ABCC9: variants seen among roughly 807,000 people sequenced by gnomAD.
ABCC9 encodes the protein ATP binding cassette subfamily C member 9.
ABCC9 carries 95 observed loss-of-function variants against 188.3 expected under a neutral mutation model. The ratio of observed to expected loss-of-function variants is 0.50; its 90% CI spans 0.43 to 0.60. ABCC9 has a LOEUF of 0.60. Among genes scored for constraint, ABCC9 ranks in the 20% least tolerant of loss-of-function variants. The pLI, the probability that ABCC9 is intolerant of heterozygous loss-of-function variation, is 0.00. For missense variants in ABCC9, 1,102 were observed against 1,876.3 expected (o/e 0.59, Z 7.62); for synonymous variants, 659 against 652.7 (o/e 1.01, Z -0.15).
rs2137372449 is a variant in ABCC9, at chr12:21,842,555, GATAGTTAC to G, written c.3316-92_3316-85del. The G allele has an allele frequency of 2.9e-6, 4 of 1,398,198 alleles. No individual in the cohort carries two copies. In the East Asian group the frequency reaches 9.2e-5, roughly 32 times the overall value. The allele number at this position is 1,398,198 out of a possible 1,614,324, so 86.6% of individuals were successfully genotyped here. Reference sequence around the variant, plus strand: ...TAACAAAAATACCTATTTTTATGTTGATAGTTACACAGTTAACTACCAAAGTAGTGTAT... The same window carrying G: ...TAACAAAAATACCTATTTTTATGTTGACAGTTAACTACCAAAGTAGTGTAT... On this transcript the variant is annotated intron_variant, in intron 28 of 39. Transcript: ENST00000261200.
chr12:21,884,028 T>G (rs993933135), intron 15 of ABCC9, among the ~76,000 whole-genome samples: 2 of 152,122 alleles, frequency 1.3e-5, no homozygotes, highest in Non-Finnish European at 2.9e-5. Flanking sequence ...AAGCTCAAAA[T>G]TTCTTCCAGA....
At chr12:21,840,376 G>A (rs1418898926) in intron 29 of ABCC9, among the ~76,000 whole-genome samples, 8 of 152,178 alleles carry the variant, frequency 5.3e-5, no homozygotes, top group East Asian at 3.9e-4. Context: ...TAAGAATAGC[G>A]TACAATCCAT....
chr12:21,870,303 C>T lies in ABCC9; in HGVS notation c.2198+2322G>A, dbSNP rs142705989. ...AAATGGTCTCACTCTGTCGCCCAGG[C>T]TGGAGTGTGGTGGCACATTCACAGC... is the stretch of plus-strand genomic sequence containing the variant. On this transcript the variant is annotated intron_variant, in intron 18 of 39. Coordinates refer to ENST00000261200, the MANE Select transcript of ABCC9 (RefSeq NM_020297.4). 1.3e-3 allele frequency among the ~76,000 whole-genome samples: 194 copies of T among 151,820 alleles called. 1 individual carries two copies. Among genetic ancestry groups the T allele is most frequent in the Admixed American group, 3.6e-3 (55 of 15,234 alleles).
In ABCC9 at chr12:21,798,048, C is replaced by T. The variant is rs1941238189; in HGVS notation, c.*2996G>A. Reference sequence around the variant, plus strand: ...ATGGTTAATCAATGAAAAACATTATCCTTGACCTTATTTAGTCAATTTAGT... The same window carrying T: ...ATGGTTAATCAATGAAAAACATTATTCTTGACCTTATTTAGTCAATTTAGT... On this transcript the variant is annotated 3_prime_UTR_variant, in exon 40 of 40. Transcript: ENST00000261200. The T allele has an allele frequency of 6.6e-6, 1 of 152,034 alleles. No homozygotes were observed. The highest frequency in any genetic ancestry group is 1.5e-5 in the Non-Finnish European group (1 of 68,008). The allele number at this position is 152,034 out of a possible 1,614,324, so 9.4% of individuals were successfully genotyped here.
intron 6 of ABCC9, among the ~76,000 whole-genome samples, chr12:21,916,633 A>G (rs573782170): frequency 1.3e-5 from 2 of 152,332 alleles, no homozygotes; most frequent in South Asian, 4.1e-4. Context: ...GAGACCAATC[A>G]TGGATGATTG....
intron 37 of ABCC9, 35 bp from the exon 38 acceptor site, chr12:21,807,514 G>C: frequency 6.2e-7 from 1 of 1,613,220 alleles, no homozygotes; most frequent in Non-Finnish European, 8.5e-7. Flanking sequence ...TTTCACTAAA[G>C]AAATGCTACT....
intron 30 of ABCC9, among the ~76,000 whole-genome samples, chr12:21,832,088 G>C (rs528336857): frequency 6.6e-6 from 1 of 152,266 alleles, no homozygotes; most frequent in Admixed American, 6.5e-5. Flanking sequence ...TTTTCCTAAT[G>C]GAAACTTTGA....
chr12:21,801,607 G>A (rs1001269298), intron 39 of ABCC9, among the ~76,000 whole-genome samples: 8 of 152,188 alleles, frequency 5.3e-5, no homozygotes, highest in African/African-American at 1.9e-4. Context: ...ACCCTGGAAA[G>A]TGGTTTAGTT....
At chr12:21,848,082 C>G in intron 25 of ABCC9, 68 bp downstream of exon 25, 3 of 1,378,704 alleles carry the variant, frequency 2.2e-6, no homozygotes, top group Non-Finnish European at 2.1e-6. Flanking sequence ...TGGAGACACT[C>G]ACACATAAAA....
At chr12:21,852,297 A>G in intron 23 of ABCC9, 71 bp downstream of exon 23, 1 of 1,613,084 alleles carries the variant, frequency 6.2e-7, no homozygotes, top group South Asian at 1.1e-5. Flanking sequence ...TATTTCAGAA[A>G]GCATTTTTTA....
chr12:21,859,260 C>T (rs373759801), intron 22 of ABCC9, among the ~76,000 whole-genome samples: 11 of 151,972 alleles, frequency 7.2e-5, no homozygotes, highest in African/African-American at 2.7e-4. Flanking sequence ...TTTTCTTTGC[C>T]ATCAAATATA....
At chr12:21,870,435 T>G (rs188162847) in intron 18 of ABCC9, among the ~76,000 whole-genome samples, 358 of 152,244 alleles carry the variant, frequency 2.4e-3, no homozygotes, top group Admixed American at 4.5e-3. Context: ...TTTTAAATTT[T>G]TTTGTACAGA....
At chr12:21,899,067 C>A (rs922091363) in intron 12 of ABCC9, among the ~76,000 whole-genome samples, 8 of 152,022 alleles carry the variant, frequency 5.3e-5, no homozygotes, top group South Asian at 2.1e-4. Flanking sequence ...TTAGAAAAAA[C>A]AAAGTGTATC....
chr12:21,931,997 C>A (rs1476424536), intron 4 of ABCC9, among the ~76,000 whole-genome samples: 1 of 151,972 alleles, frequency 6.6e-6, no homozygotes, highest in Non-Finnish European at 1.5e-5. Flanking sequence ...TTGTTAATTG[C>A]AACAGAAAAC....
chr12:21,927,969 C>G (rs1461221676), intron 4 of ABCC9, among the ~76,000 whole-genome samples: 1 of 152,066 alleles, frequency 6.6e-6, no homozygotes, highest in Non-Finnish European at 1.5e-5. Flanking sequence ...CTTGCAATCC[C>G]TGCATTTAGC....
At chr12:21,805,944 A>G in intron 39 of ABCC9, 54 bp downstream of exon 39, 1 of 1,524,854 alleles carries the variant, frequency 6.6e-7, no homozygotes, top group Non-Finnish European at 9.1e-7. Flanking sequence ...AAAGATGATA[A>G]CATGTTAGAA....
At chr12:21,894,725 C>G (rs1415193320) in intron 13 of ABCC9, among the ~76,000 whole-genome samples, 1 of 152,178 alleles carries the variant, frequency 6.6e-6, no homozygotes, top group Non-Finnish European at 1.5e-5. Context: ...ATCCTCCCAC[C>G]TCAGCCTCCC....
chr12:21,807,557 C>T (rs906706821), intron 37 of ABCC9, 78 bp from the exon 38 acceptor site: 1 of 1,589,852 alleles, frequency 6.3e-7, no homozygotes, highest in African/African-American at 1.3e-5. Flanking sequence ...ATGAAAAACA[C>T]ATTATGTTGT....
chr12:21,905,364 G>A (rs1206093354), intron 12 of ABCC9, among the ~76,000 whole-genome samples: 7 of 150,974 alleles, frequency 4.6e-5, no homozygotes, highest in African/African-American at 1.5e-4. Context: ...ATATATATAT[G>A]TAACAAACCT....
Sources: gnomAD v4.1 joint callset for allele counts (sites outside exome capture counted in the v4.1 genomes callset) on GRCh38, gnomAD v4.1.1 for gene constraint, MANE v1.5 for transcripts, NCBI Gene and HGNC (gene_info 2026-07-23, HGNC 2026-07-21) for gene names.